Variants in APMAP observed in about 807,000 individuals in gnomAD.
APMAP encodes the protein adipocyte plasma membrane associated protein.
APMAP carries 33 observed loss-of-function variants against 43.6 expected under a neutral mutation model. The observed-to-expected ratio is 0.76, with a 90% CI of 0.57 to 1.01. The LOEUF is 1.01. Ranked by LOEUF, APMAP falls within the 50% of genes least tolerant of loss-of-function variation. The pLI, the probability that APMAP is intolerant of heterozygous loss-of-function variation, is 0.00. For synonymous variants in APMAP, 224 were observed against 216.7 expected, an observed-to-expected ratio of 1.03 and a Z score of -0.30; for missense variants, 498 against 540.7, an observed-to-expected ratio of 0.92 and a Z score of 0.78.
chr20:24,985,449 C>A (rs2088139603), intron 1 of APMAP, among the ~76,000 whole-genome samples: 1 of 152,142 alleles, frequency 6.6e-6, no homozygotes, highest in South Asian at 2.1e-4. Context: ...AGAGCCTCCC[C>A]AGAGCCTCCA....
chr20:24,970,182 G>A lies in APMAP; in HGVS notation c.713+15C>T, dbSNP rs1256351459. ...GGTGAACTCAACAAATGGGAGACCT[G>A]GAGCAAGGCCTCACCGCCCGTCATC... On this transcript the variant is annotated intron_variant, in intron 6 of 8. Transcript: ENST00000217456. 6 of 1,613,792 alleles carry A rather than the reference G, an allele frequency of 3.7e-6. No homozygotes were observed. The South Asian group carries it at 6.6e-5, about 18-fold the overall frequency.
At chr20:24,970,768 G>A (rs142739528) in intron 5 of APMAP, among the ~76,000 whole-genome samples, 2 of 152,328 alleles carry the variant, frequency 1.3e-5, no homozygotes, top group Admixed American at 6.5e-5. Context: ...TGGATTGAGT[G>A]CTAAGCACTC....
intron 1 of APMAP, among the ~76,000 whole-genome samples, chr20:24,985,721 T>G (rs62215127): frequency 0.09 from 13,662 of 152,164 alleles, 696 homozygotes; most frequent in Middle Eastern, 0.12. Context: ...AAGGAAGAAT[T>G]CTGAGGAGCA....
At chr20:24,990,877 G>A (rs2088185990) in intron 1 of APMAP, among the ~76,000 whole-genome samples, 1 of 152,214 alleles carries the variant, frequency 6.6e-6, no homozygotes, top group Admixed American at 6.5e-5. Flanking sequence ...ACAGAAAAGG[G>A]ATAAACAAAC....
chr20:24,973,845 A>C, intron 3 of APMAP, 108 bp from the exon 4 acceptor site: 1 of 860,562 alleles, frequency 1.2e-6, no homozygotes, highest in Non-Finnish European at 1.8e-6. Flanking sequence ...TGCCCTATAG[A>C]GGAAATGCCA....
chr20:24,969,803 G>T, intron 6 of APMAP, 143 bp from the exon 7 acceptor site: 1 of 1,190,224 alleles, frequency 8.4e-7, no homozygotes, highest in Non-Finnish European at 1.1e-6. Flanking sequence ...TTGATTCGAG[G>T]CTGGCCCCTG....
At chr20:24,973,843 A>C (rs1187232210) in intron 3 of APMAP, 106 bp from the exon 4 acceptor site, 1 of 895,640 alleles carries the variant, frequency 1.1e-6, no homozygotes, top group Non-Finnish European at 1.7e-6. Flanking sequence ...CCTGCCCTAT[A>C]GAGGAAATGC....
At chr20:24,981,729 A>G (rs1349831253) in intron 2 of APMAP, among the ~76,000 whole-genome samples, 1 of 152,246 alleles carries the variant, frequency 6.6e-6, no homozygotes, top group Non-Finnish European at 1.5e-5. Context: ...CTTTAAAATT[A>G]TAGCAACCAA....
chr20:24,989,494 T>C (rs992768824), intron 1 of APMAP, among the ~76,000 whole-genome samples: 1 of 152,164 alleles, frequency 6.6e-6, no homozygotes, highest in Non-Finnish European at 1.5e-5. Flanking sequence ...GGTCCTGAAC[T>C]GAAGTCCCAA....
chr20:24,983,946 C>T lies in APMAP; in HGVS notation c.169G>A (p.Ala57Thr). The change falls in exon 2 of 9, where the codon GCC becomes ACC. Residue 57 changes from alanine (A) to threonine (T), a missense_variant. Physicochemically the swap from Ala to Thr is moderately conservative, Grantham distance 58. Coordinates refer to ENST00000217456, the MANE Select transcript of APMAP (RefSeq NM_020531.3). ...AVSLTVPLLG[A>T]MMLLESPIDP... ...ATAGGAGATTCCAGCAGCATCATGG[C>T]TCCAAGCAGGGGAACGGTGAGAGAA... is the stretch of plus-strand genomic sequence containing the variant. 6.2e-7 allele frequency: 1 copy of T among 1,614,050 alleles called. No homozygotes were observed. The highest frequency in any genetic ancestry group is 8.5e-7 in the Non-Finnish European group (1 of 1,179,968).
At position 24,971,553 on chromosome 20, in the gene APMAP, A is replaced by G. The variant is rs2088000669; in HGVS notation, c.445T>C (p.Cys149Arg). The G allele has an allele frequency of 6.2e-7, 1 of 1,614,200 alleles. No homozygotes were observed. Among genetic ancestry groups the G allele is most frequent in the Non-Finnish European group, 8.5e-7 (1 of 1,180,014 alleles). ...PCKTRDDEPV[C>R]GRPLGIRAGP... ...GCACGGATACCCAGGGGTCTCCCAC[A>G]CACAGGCTCATCATCTCGGGTTTCT... The change falls in exon 5 of 9, where the codon TGT becomes CGT. Residue 149 changes from cysteine (C) to arginine (R), a missense_variant. Coordinates refer to ENST00000217456, the MANE Select transcript of APMAP (RefSeq NM_020531.3).
At chr20:24,968,728 A>G (rs1210042038) in intron 8 of APMAP, among the ~76,000 whole-genome samples, 164 bp downstream of exon 8, 1 of 152,206 alleles carries the variant, frequency 6.6e-6, no homozygotes, top group South Asian at 2.1e-4. Context: ...AAAGGGTCCA[A>G]ATGTTTAAAT....
At chr20:24,969,359 G>T (rs141332656) in intron 7 of APMAP, among the ~76,000 whole-genome samples, 167 bp downstream of exon 7, 1 of 152,154 alleles carries the variant, frequency 6.6e-6, no homozygotes, top group Non-Finnish European at 1.5e-5. Context: ...TCCGGACTGC[G>T]ACTCGCAATG....
chr20:24,974,532 C>T (rs182420880), intron 3 of APMAP, among the ~76,000 whole-genome samples: 1 of 152,158 alleles, frequency 6.6e-6, no homozygotes, highest in East Asian at 1.9e-4. Flanking sequence ...TCTAAATATA[C>T]CAACTGAAAG....
rs981285341 is a variant in APMAP, at chr20:24,963,708, T to C, written c.*105A>G. 21 of 1,193,090 alleles carry C rather than the reference T, an allele frequency of 1.8e-5. No individual in the cohort carries two copies. The highest frequency in any genetic ancestry group is 2.2e-5 in the Non-Finnish European group (18 of 827,508). The allele number at this position is 1,193,090 out of a possible 1,614,324, so 73.9% of individuals were successfully genotyped here. A position where few individuals can be genotyped will look rare whatever the true frequency, so the allele number is the denominator to read the frequency against. Reference sequence around the variant, plus strand: ...CCTCTCAGGGACTAACAGGTGCATGTGGACACTTGAACCACGACTGTGTCC... The same window carrying C: ...CCTCTCAGGGACTAACAGGTGCATGCGGACACTTGAACCACGACTGTGTCC... On this transcript the variant is annotated 3_prime_UTR_variant, in exon 9 of 9. Coordinates refer to ENST00000217456, the MANE Select transcript of APMAP (RefSeq NM_020531.3).
Position 24,984,136 on chromosome 20 carries a change from A to T in APMAP, c.96-117T>A, listed in dbSNP as rs112857891. 563 of 708,934 alleles carry T rather than the reference A, an allele frequency of 7.9e-4. 3 individuals carry two copies. In the African/African-American group the frequency reaches 9.2e-3, roughly 12 times the overall value. The allele number at this position is 708,934 out of a possible 1,614,324, so 43.9% of individuals were successfully genotyped here. A position where few individuals can be genotyped will look rare whatever the true frequency, so the allele number is the denominator to read the frequency against. On this transcript the variant is annotated intron_variant, in intron 1 of 8. Coordinates refer to ENST00000217456, the MANE Select transcript of APMAP (RefSeq NM_020531.3). ...ACGCTCATCCAGTTTCCCCACTGCAAGCTGGCCGACCTCTGGCTTGTGATT... is the reference window on the plus strand; with the variant it reads ...ACGCTCATCCAGTTTCCCCACTGCATGCTGGCCGACCTCTGGCTTGTGATT...
At chr20:24,972,797 G>C (rs1326208969) in intron 4 of APMAP, among the ~76,000 whole-genome samples, 1 of 151,060 alleles carries the variant, frequency 6.6e-6, no homozygotes, top group African/African-American at 2.4e-5. Context: ...CTCACCATGG[G>C]TGATCACTCC....
rs1017608372 is a variant in APMAP, at chr20:24,992,720, A to G, written c.-32T>C. On this transcript the variant is annotated 5_prime_UTR_variant, in exon 1 of 9. Transcript: ENST00000217456. ...GGCGCCAGCCTCACCCGCAGAAACC[A>G]CCTCACACTGAGCGGCGCCGGCTCA... 31 of 1,450,970 alleles carry G rather than the reference A, an allele frequency of 2.1e-5. No individual in the cohort carries two copies. Among genetic ancestry groups the G allele is most frequent in the Middle Eastern group, 4.5e-4 (2 of 4,412 alleles). 89.9% of individuals were successfully genotyped at this position (1,450,970 alleles called of 1,614,324 possible).
intron 8 of APMAP, among the ~76,000 whole-genome samples, chr20:24,967,503 C>T (rs1447758941): frequency 6.6e-6 from 1 of 152,190 alleles, no homozygotes; most frequent in African/African-American, 2.4e-5. Context: ...GTGCCAGGCA[C>T]TGTTGCAGGT....
Sources: gnomAD v4.1 joint callset for allele counts (sites outside exome capture counted in the v4.1 genomes callset) on GRCh38, gnomAD v4.1.1 for gene constraint, MANE v1.5 for transcripts, NCBI Gene and HGNC (gene_info 2026-07-23, HGNC 2026-07-21) for gene names.